The following NRCAM variants were observed in gnomAD, a reference collection of about 807,000 sequenced individuals.
The protein encoded by NRCAM is NgCAM-related cell adhesion molecule.
Under a neutral mutation model 156.5 loss-of-function variants are expected in NRCAM, and 83 were observed. That is an observed-to-expected ratio of 0.53 (90% CI 0.44 to 0.64). NRCAM has a LOEUF of 0.64. NRCAM is among the 30% of genes least tolerant of loss of function. The probability of loss-of-function intolerance (pLI) is 0.00; values close to 1 mark genes in which losing one functional copy is unlikely to be tolerated. For missense variants in NRCAM, 1,417 were observed against 1,597.3 expected (o/e 0.89, Z 1.92); for synonymous variants, 538 against 563.9 (o/e 0.95, Z 0.65).
At chr7:108,358,100 G>T (rs1239030170) in intron 2 of NRCAM, among the ~76,000 whole-genome samples, 1 of 152,058 alleles carries the variant, frequency 6.6e-6, no homozygotes, top group African/African-American at 2.4e-5. Flanking sequence ...AGCTACACTT[G>T]CTTTTTAAGG....
chr7:108,208,881 AGTGTCTGCCAG>A (rs2082541992), intron 12 of NRCAM, among the ~76,000 whole-genome samples: 1 of 152,190 alleles, frequency 6.6e-6, no homozygotes, highest in Non-Finnish European at 1.5e-5. Context: ...TGGTTAAGAC[AGTGTCTGCCAG>A]GTTTCTCCAC....
intron 3 of NRCAM, among the ~76,000 whole-genome samples, chr7:108,300,160 C>CTTTTTTTTTTTTTT (rs10665036): frequency 1.1e-4 from 7 of 65,858 alleles, no homozygotes; most frequent in African/African-American, 4.0e-4. Flanking sequence ...TTTCTGTTGA[C>CTTTTTTTTTTTTTT]TTTTTTTTTT....
intron 11 of NRCAM, among the ~76,000 whole-genome samples, chr7:108,211,513 G>A (rs922869544): frequency 4.6e-5 from 7 of 152,170 alleles, no homozygotes; most frequent in Non-Finnish European, 7.4e-5. Flanking sequence ...CTCACCCACT[G>A]CCTGGAAACA....
intron 3 of NRCAM, among the ~76,000 whole-genome samples, chr7:108,242,387 T>C (rs17155316): frequency 0.073 from 11,171 of 152,152 alleles, 600 homozygotes; most frequent in African/African-American, 0.14. Context: ...TTCCATATTA[T>C]AATATCCAAA....
At chr7:108,220,498 G>A (rs188662277) in intron 11 of NRCAM, among the ~76,000 whole-genome samples, 331 of 152,162 alleles carry the variant, frequency 2.2e-3, no homozygotes, top group Non-Finnish European at 3.9e-3. Flanking sequence ...ATAAAAATAC[G>A]CACAAAGACC....
intron 2 of NRCAM, among the ~76,000 whole-genome samples, chr7:108,340,436 T>C (rs34294071): frequency 0.29 from 43,388 of 151,818 alleles, 6,626 homozygotes; most frequent in East Asian, 0.55. Context: ...GATGTAATGT[T>C]ACTGCTAAAT....
intron 9 of NRCAM, among the ~76,000 whole-genome samples, 178 bp downstream of exon 9, chr7:108,226,030 A>G (rs1371613113): frequency 6.6e-6 from 1 of 152,186 alleles, no homozygotes; most frequent in Non-Finnish European, 1.5e-5. Context: ...GTAAAATCCA[A>G]TATTAAGGGT....
intron 3 of NRCAM, among the ~76,000 whole-genome samples, chr7:108,293,052 G>A (rs1019568867): frequency 1.4e-4 from 21 of 152,126 alleles, no homozygotes; most frequent in African/African-American, 4.8e-4. Context: ...ACAATTCATA[G>A]AAATCTAACA....
At chr7:108,379,199 A>C (rs1046114817) in intron 2 of NRCAM, among the ~76,000 whole-genome samples, 1 of 152,222 alleles carries the variant, frequency 6.6e-6, no homozygotes, top group Admixed American at 6.5e-5. Context: ...AACTGCAGAT[A>C]ATATAATTAT....
At chr7:108,348,156 T>C (rs2099383464) in intron 2 of NRCAM, among the ~76,000 whole-genome samples, 1 of 152,254 alleles carries the variant, frequency 6.6e-6, no homozygotes. Context: ...GTATCTCCTT[T>C]GCTGGGCAGG....
chr7:108,166,350 T>C (rs891837077), intron 30 of NRCAM, among the ~76,000 whole-genome samples: 10 of 151,096 alleles, frequency 6.6e-5, no homozygotes, highest in Middle Eastern at 3.4e-3. Context: ...CGGGTTCAAG[T>C]GATTCTCCTG....
intron 30 of NRCAM, among the ~76,000 whole-genome samples, chr7:108,161,936 T>C (rs1477277657): frequency 6.6e-6 from 1 of 152,180 alleles, no homozygotes; most frequent in African/African-American, 2.4e-5. Context: ...AAGTAAAGCA[T>C]CAGTTTAGGC....
rs147864138 is a variant in NRCAM at position 108,158,502 on chromosome 7, A to G, written c.3677+961T>C. On this transcript the variant is annotated intron_variant, in intron 32 of 32. Coordinates refer to ENST00000379028, the MANE Select transcript of NRCAM (RefSeq NM_001037132.4). ...CATGGAAAAACCAAAAATGAGCTCT[A>G]GAGACAGGTAAAACTTAACATAAAT... Among the ~76,000 whole-genome samples, 358 of 152,310 alleles carry G rather than the reference A, an allele frequency of 2.4e-3. 1 individual carries two copies. The highest frequency in any genetic ancestry group is 8.1e-3 in the African/African-American group (337 of 41,586).
chr7:108,353,395 C>A (rs953982983), intron 2 of NRCAM, among the ~76,000 whole-genome samples: 1 of 151,788 alleles, frequency 6.6e-6, no homozygotes, highest in Non-Finnish European at 1.5e-5. Flanking sequence ...CTCTGTCACC[C>A]AGGCTGGAAT....
At chr7:108,218,827 C>G (rs2090914910) in intron 11 of NRCAM, among the ~76,000 whole-genome samples, 1 of 152,060 alleles carries the variant, frequency 6.6e-6, no homozygotes, top group African/African-American at 2.4e-5. Flanking sequence ...AAACCAAACC[C>G]AAACCCAGCA....
chr7:108,218,173 TG>T (rs34435583), intron 11 of NRCAM, among the ~76,000 whole-genome samples: 45,758 of 118,380 alleles, frequency 0.39, 7,438 homozygotes, highest in East Asian at 0.74. Flanking sequence ...TTCCCTTGGC[TG>T]GGGGGGGGGG....
At chr7:108,406,582 C>G (rs1391540606) in intron 1 of NRCAM, among the ~76,000 whole-genome samples, 1 of 152,226 alleles carries the variant, frequency 6.6e-6, no homozygotes, top group Non-Finnish European at 1.5e-5. Flanking sequence ...ACTATTACAA[C>G]AGCCCATATG....
At chr7:108,410,089 C>G (rs1263475266) in intron 1 of NRCAM, among the ~76,000 whole-genome samples, 1 of 152,156 alleles carries the variant, frequency 6.6e-6, no homozygotes, top group African/African-American at 2.4e-5. Flanking sequence ...GTTCCTGACT[C>G]AAGAGACTCT....
chr7:108,441,004 G>T (rs1188147276), intron 1 of NRCAM, among the ~76,000 whole-genome samples: 1 of 152,104 alleles, frequency 6.6e-6, no homozygotes, highest in Non-Finnish European at 1.5e-5. Context: ...ATTCTCTAAG[G>T]GGATGCCCGT....
Sources: gnomAD v4.1 joint callset for allele counts (sites outside exome capture counted in the v4.1 genomes callset) on GRCh38, gnomAD v4.1.1 for gene constraint, MANE v1.5 for transcripts, NCBI Gene and HGNC (gene_info 2026-07-23, HGNC 2026-07-21) for gene names.